Variants in RANBP2 observed in about 807,000 individuals in gnomAD.
The protein encoded by RANBP2 is RAN binding protein 2, also known as E3 SUMO-protein ligase RanBP2.
A neutral mutation model predicts 303.6 loss-of-function variants in RANBP2; 57 were observed. The ratio of observed to expected loss-of-function variants is 0.19; its 90% CI spans 0.15 to 0.23. The LOEUF is 0.23. Ranked by LOEUF, RANBP2 falls within the 10% of genes least tolerant of loss-of-function variation. RANBP2 has a pLI of 1.00. For missense variants in RANBP2, 3,138 were observed against 3,780.8 expected (o/e 0.83, Z 4.46); for synonymous variants, 1,167 against 1,301.5 (o/e 0.90, Z 2.23).
chr2:109,280,861 C>T, the RANBP2 span, among the ~76,000 whole-genome samples: 1 of 152,214 alleles, frequency 6.6e-6, no homozygotes, highest in Non-Finnish European at 1.5e-5. Context: ...CACATTATTG[C>T]ATACCGTGTC....
At chr2:109,218,047 C>T in the RANBP2 span, among the ~76,000 whole-genome samples, 6 of 152,088 alleles carry the variant, frequency 3.9e-5, no homozygotes, top group Admixed American at 6.6e-5. Context: ...AAGCAAGTGG[C>T]AGACAGCTGC....
At position 108,765,100 on chromosome 2, in the gene RANBP2, T is replaced by C. The variant is rs1156569593; in HGVS notation, c.4561T>C (p.Phe1521Leu). Residue 1521 changes from phenylalanine (F) to leucine (L), a missense_variant, in exon 20 of 29, where the codon TTT (phenylalanine) becomes CTT (leucine). Coordinates refer to ENST00000283195, the MANE Select transcript of RANBP2 (RefSeq NM_006267.5). ...PATSIPTPAS[F>L]KFGTSETSKT... ...TACTTCTATTCCAACACCTGCCTCTTTTAAGTTTGGTACTTCAGAGACAAG... is the reference window on the plus strand; with the variant it reads ...TACTTCTATTCCAACACCTGCCTCTCTTAAGTTTGGTACTTCAGAGACAAG... 7 of 1,613,998 alleles carry C rather than the reference T, an allele frequency of 4.3e-6. No individual in the cohort carries two copies. In the Admixed American group the frequency reaches 6.7e-5, roughly 15 times the overall value.
the RANBP2 span, chr2:109,491,030 C>T: frequency 7.2e-6 from 9 of 1,245,978 alleles, no homozygotes; most frequent in Non-Finnish European, 9.5e-6. Flanking sequence ...TGTGGCCTTG[C>T]TGGGATTAGG....
chr2:108,786,999 G>A (rs13415653), downstream of RANBP2: 6,184 of 917,492 alleles, frequency 6.7e-3, 272 homozygotes, highest in African/African-American at 0.094. Flanking sequence ...CGGCCTGGGG[G>A]CGCGCAGCGG....
At chr2:108,794,596 G>A in the RANBP2 span, 1 of 1,614,068 alleles carries the variant, frequency 6.2e-7, no homozygotes, top group Non-Finnish European at 8.5e-7. Flanking sequence ...TTGTAGTGAT[G>A]CAGGTGACTC....
chr2:108,994,794 TTATA>T, the RANBP2 span, among the ~76,000 whole-genome samples: 179 of 114,816 alleles, frequency 1.6e-3, 4 homozygotes, highest in African/African-American at 6.3e-3. Context: ...GTGCATTGGG[TTATA>T]TATATATATA....
At chr2:109,422,955 C>T in the RANBP2 span, among the ~76,000 whole-genome samples, 5 of 152,120 alleles carry the variant, frequency 3.3e-5, no homozygotes, top group South Asian at 2.1e-4. Flanking sequence ...CAGACCGACA[C>T]GCCTGGGTCT....
chr2:109,622,313 C>T, the RANBP2 span, among the ~76,000 whole-genome samples: 1 of 152,178 alleles, frequency 6.6e-6, no homozygotes. Flanking sequence ...CCTAGTGGTA[C>T]AGGAAATACC....
chr2:109,501,139 G>A, the RANBP2 span, among the ~76,000 whole-genome samples: 1 of 151,930 alleles, frequency 6.6e-6, no homozygotes, highest in South Asian at 2.1e-4. Context: ...AGTTTTTCCT[G>A]ACCCTCCCCC....
chr2:108,930,663 G>A, the RANBP2 span, among the ~76,000 whole-genome samples: 11 of 152,130 alleles, frequency 7.2e-5, no homozygotes, highest in Non-Finnish European at 1.0e-4. Flanking sequence ...TTAGCTGCGC[G>A]GCCCCCAAGC....
At chr2:108,770,634 A>G (rs1677431623) in intron 20 of RANBP2, among the ~76,000 whole-genome samples, 1 of 152,220 alleles carries the variant, frequency 6.6e-6, no homozygotes, top group South Asian at 2.1e-4. Context: ...ATAAATAAAT[A>G]AATAAATAAA....
At chr2:108,947,411 C>T in the RANBP2 span, among the ~76,000 whole-genome samples, 1 of 152,200 alleles carries the variant, frequency 6.6e-6, no homozygotes, top group South Asian at 2.1e-4. Flanking sequence ...CACAGCTCCA[C>T]TAGGCAGTGC....
chr2:109,629,302 GATATAT>G, the RANBP2 span, among the ~76,000 whole-genome samples: 84 of 77,592 alleles, frequency 1.1e-3, no homozygotes, highest in Admixed American at 2.1e-3. Flanking sequence ...CTGGCCTAAA[GATATAT>G]ATATATATAT....
the RANBP2 span, among the ~76,000 whole-genome samples, chr2:109,430,196 T>C: frequency 6.6e-6 from 1 of 152,226 alleles, no homozygotes; most frequent in Non-Finnish European, 1.5e-5. Context: ...CTGTTGCCCA[T>C]GGCCAGGAGC....
chr2:109,594,401 G>A, the RANBP2 span, among the ~76,000 whole-genome samples: 1 of 152,120 alleles, frequency 6.6e-6, no homozygotes, highest in Non-Finnish European at 1.5e-5. Flanking sequence ...CCAGAGAGAG[G>A]CTGTGCATGT....
the RANBP2 span, among the ~76,000 whole-genome samples, chr2:109,244,300 A>G: frequency 6.6e-6 from 1 of 152,204 alleles, no homozygotes; most frequent in Non-Finnish European, 1.5e-5. Context: ...TCTTCAGGCA[A>G]ATGTGCACAT....
the RANBP2 span, among the ~76,000 whole-genome samples, chr2:109,636,280 G>GT: frequency 6.6e-6 from 1 of 152,066 alleles, no homozygotes; most frequent in Non-Finnish European, 1.5e-5. Context: ...AACTCTCATG[G>GT]TTTTTTTCAC....
the RANBP2 span, among the ~76,000 whole-genome samples, chr2:109,426,446 G>A: frequency 9.2e-5 from 14 of 152,190 alleles, no homozygotes; most frequent in Non-Finnish European, 1.6e-4. Flanking sequence ...GGAAGTCACC[G>A]CAGATGTGGT....
At chr2:109,544,284 CCTT>C in the RANBP2 span, 1 of 1,611,178 alleles carries the variant, frequency 6.2e-7, no homozygotes, top group South Asian at 1.1e-5. Context: ...GTGATGATGA[CCTT>C]CTGTGCTCTG....
Sources: gnomAD v4.1 joint callset for allele counts (sites outside exome capture counted in the v4.1 genomes callset) on GRCh38, gnomAD v4.1.1 for gene constraint, MANE v1.5 for transcripts, NCBI Gene and HGNC (gene_info 2026-07-23, HGNC 2026-07-21) for gene names.